Variants in GPAM observed in about 807,000 individuals in gnomAD.
GPAM encodes the protein glycerol-3-phosphate acyltransferase, mitochondrial.
Under a neutral mutation model 105.0 loss-of-function variants are expected in GPAM, and 56 were observed. The ratio of observed to expected loss-of-function variants is 0.53; its 90% CI spans 0.43 to 0.67. The LOEUF is 0.67. GPAM is among the 30% of genes least tolerant of loss of function. The probability of loss-of-function intolerance (pLI) is 0.00; values close to 1 mark genes in which losing one functional copy is unlikely to be tolerated. For synonymous variants in GPAM, 368 were observed against 354.4 expected (o/e 1.04, Z -0.43); for missense variants, 855 against 989.8 (o/e 0.86, Z 1.83).
intron 12 of GPAM, 59 bp downstream of exon 12, chr10:112,166,343 T>C: frequency 1.1e-6 from 1 of 902,416 alleles, no homozygotes; most frequent in Non-Finnish European, 1.9e-6. Context: ...GAGTCAGCAC[T>C]GGAGCCTCCT....
Position 112,153,397 on chromosome 10 carries a change from C to A in GPAM, c.*153G>T. On this transcript the variant is annotated 3_prime_UTR_variant, in exon 22 of 22. Coordinates refer to ENST00000348367, the MANE Select transcript of GPAM (RefSeq NM_001244949.2). ...ATGCAGAGCTGGGAAGATCACAGAT[C>A]CATGGAGGGAGAAGGCACTTGTCTT... The A allele has an allele frequency of 3.2e-6, 5 of 1,578,912 alleles. No homozygotes were observed. In the Admixed American group the frequency reaches 8.5e-5, roughly 27 times the overall value.
intron 1 of GPAM, among the ~76,000 whole-genome samples, chr10:112,212,206 C>G (rs1054580517): frequency 1.3e-5 from 2 of 152,166 alleles, no homozygotes; most frequent in African/African-American, 2.4e-5. Flanking sequence ...GGCAGACAGA[C>G]AGGAATATCT....
At chr10:112,204,478 CACAGATCTG>C (rs1258335314) in intron 1 of GPAM, among the ~76,000 whole-genome samples, 3 of 151,728 alleles carry the variant, frequency 2.0e-5, no homozygotes, top group African/African-American at 7.3e-5. Context: ...TAATGATTTT[CACAGATCTG>C]ACTCCCTCGG....
Position 112,155,754 on chromosome 10 carries a change from G to A in GPAM, c.2311+110C>T, listed in dbSNP as rs1847005600. ...GAAGATAATAGTAATACTCTACGGT[G>A]TTAGAGGTCAGGATAAGTTTGCATT... On this transcript the variant is annotated intron_variant, in intron 20 of 21. Transcript: ENST00000348367. 4 of 676,680 alleles carry A rather than the reference G, an allele frequency of 5.9e-6. No individual in the cohort carries two copies. The African/African-American group carries it at 7.3e-5, about 12-fold the overall frequency. The allele number at this position is 676,680 out of a possible 1,614,324, so 41.9% of individuals were successfully genotyped here.
In GPAM at chr10:112,159,414, G is replaced by A. The variant is rs966359431; in HGVS notation, c.1902+497C>T. On this transcript the variant is annotated intron_variant, in intron 17 of 21. Transcript: ENST00000348367. ...TTTTTTTTGTATTTTTAGTAGAGAC[G>A]GGGTTTCTCCACGTTAGCCAGGATG... is the stretch of plus-strand genomic sequence containing the variant. Among the ~76,000 whole-genome samples, 8 of 151,666 alleles carry A rather than the reference G, an allele frequency of 5.3e-5. No homozygotes were observed. The South Asian group carries it at 8.3e-4, about 16-fold the overall frequency.
chr10:112,196,967 A>C (rs1242400572), intron 1 of GPAM, among the ~76,000 whole-genome samples: 3 of 152,226 alleles, frequency 2.0e-5, no homozygotes, highest in Non-Finnish European at 4.4e-5. Context: ...GCATTGGAAC[A>C]TATGTAAATT....
intron 1 of GPAM, among the ~76,000 whole-genome samples, chr10:112,209,460 A>G (rs1847887425): frequency 6.6e-6 from 1 of 151,950 alleles, no homozygotes; most frequent in Non-Finnish European, 1.5e-5. Context: ...CTCCAAGGGG[A>G]GCCTGATGGG....
intron 1 of GPAM, among the ~76,000 whole-genome samples, chr10:112,209,047 G>A (rs903923106): frequency 6.6e-6 from 1 of 152,220 alleles, no homozygotes; most frequent in African/African-American, 2.4e-5. Flanking sequence ...GATGGGGACA[G>A]TTGAGAAGAA....
In GPAM at chr10:112,150,102, G is replaced by A; in HGVS notation, c.*3448C>T. On this transcript the variant is annotated 3_prime_UTR_variant, in exon 22 of 22. Coordinates refer to ENST00000348367, the MANE Select transcript of GPAM (RefSeq NM_001244949.2). ...AGAGCTCTAGACGTTTAGAAATAAG[G>A]TCAAGAATCTCTTTCAAATGCAATC... 1.0e-6 allele frequency: 1 copy of A among 983,642 alleles called. No individual in the cohort carries two copies. Among genetic ancestry groups the A allele is most frequent in the East Asian group, 1.1e-4 (1 of 8,822 alleles). The allele number at this position is 983,642 out of a possible 1,614,324, so 60.9% of individuals were successfully genotyped here. A position where few individuals can be genotyped will look rare whatever the true frequency, so the allele number is the denominator to read the frequency against.
At chr10:112,225,676 G>GCCCC in the GPAM span, among the ~76,000 whole-genome samples, 2 of 151,996 alleles carry the variant, frequency 1.3e-5, no homozygotes. Flanking sequence ...TAAAATGTCA[G>GCCCC]CTTCCCCTCG....
chr10:112,186,802 C>T (rs1269200953), upstream of GPAM, among the ~76,000 whole-genome samples: 16 of 152,282 alleles, frequency 1.1e-4, no homozygotes, highest in African/African-American at 2.4e-4. Flanking sequence ...GCGCCTGCCT[C>T]GACCTCCCAA....
chr10:112,185,796 A>C (rs183779046), upstream of GPAM, among the ~76,000 whole-genome samples: 25 of 152,208 alleles, frequency 1.6e-4, no homozygotes, highest in South Asian at 6.2e-4. Context: ...AACAAACAAA[A>C]AAAAACTTGA....
At chr10:112,175,329 A>G (rs957874880) in intron 6 of GPAM, among the ~76,000 whole-genome samples, 3 of 152,212 alleles carry the variant, frequency 2.0e-5, no homozygotes, top group Admixed American at 6.5e-5. Flanking sequence ...TGCATCTCTG[A>G]ACTCTTATTT....
chr10:112,225,097 GC>G, the GPAM span, among the ~76,000 whole-genome samples: 1 of 152,152 alleles, frequency 6.6e-6, no homozygotes, highest in African/African-American at 2.4e-5. Context: ...CAAGAAAGTG[GC>G]CCCAGGGGTC....
rs1003244761 is a variant in GPAM at position 112,182,774 on chromosome 10, G to T, written c.-30+20C>A. 6.6e-6 allele frequency: 1 copy of T among 152,218 alleles called. No homozygotes were observed. The highest frequency in any genetic ancestry group is 1.5e-5 in the Non-Finnish European group (1 of 68,036). 9.4% of individuals were successfully genotyped at this position (152,218 alleles called of 1,614,324 possible). A position where few individuals can be genotyped will look rare whatever the true frequency, so the allele number is the denominator to read the frequency against. ...TACAATCTAACATAACAGGCTAGGG[G>T]AGAGAATAAACCAATGCACCTGGGA... On this transcript the variant is annotated intron_variant, in intron 2 of 21. Coordinates refer to ENST00000348367, the MANE Select transcript of GPAM (RefSeq NM_001244949.2).
intron 8 of GPAM, 75 bp from the exon 9 acceptor site, chr10:112,172,393 T>A (rs1847328616): frequency 8.4e-7 from 1 of 1,187,870 alleles, no homozygotes; most frequent in Non-Finnish European, 1.3e-6. Flanking sequence ...CATATTTGGC[T>A]AGAGTCACTC....
chr10:112,224,001 G>A, the GPAM span, among the ~76,000 whole-genome samples: 5 of 152,170 alleles, frequency 3.3e-5, 1 homozygote, highest in South Asian at 6.2e-4. Context: ...ATCAGGAAGC[G>A]CCTTCCTGCA....
Position 112,153,586 on chromosome 10 carries a change from T to A in GPAM, c.2451A>T (p.Lys817Asn), listed in dbSNP as rs745322829. The change falls in exon 22 of 22, where the codon AAA (lysine) becomes AAT (asparagine). Residue 817 changes from lysine (K) to asparagine (N), a missense_variant. Transcript: ENST00000348367. Reference sequence around the variant, plus strand: ...CAAAACTCAGAATATATTCTAGAAGTTTTTGTCGGTTGCATTGAGGTAGAA... The same window carrying A: ...CAAAACTCAGAATATATTCTAGAAGATTTTGTCGGTTGCATTGAGGTAGAA... ...STFLPQCNRQ[K>N]LLEYILSFVV... is the part of the protein sequence containing the mutation. 6 of 1,614,002 alleles carry A rather than the reference T, an allele frequency of 3.7e-6. No homozygotes were observed. The highest frequency in any genetic ancestry group is 1.3e-5 in the African/African-American group (1 of 75,024).
chr10:112,176,216 T>C (rs781665051), intron 5 of GPAM, among the ~76,000 whole-genome samples: 19 of 152,170 alleles, frequency 1.2e-4, no homozygotes, highest in Non-Finnish European at 8.8e-5. Context: ...ACAAGGCAGA[T>C]CAGTTGAAAG....
Sources: gnomAD v4.1 joint callset for allele counts (sites outside exome capture counted in the v4.1 genomes callset) on GRCh38, gnomAD v4.1.1 for gene constraint, MANE v1.5 for transcripts, NCBI Gene and HGNC (gene_info 2026-07-23, HGNC 2026-07-21) for gene names.